Variants in PALLD observed in about 807,000 individuals in gnomAD.
The protein encoded by PALLD is palladin, cytoskeletal associated protein.
In PALLD, 61 loss-of-function variants were observed where a neutral mutation model predicts 123.5. The observed-to-expected ratio is 0.49, with a 90% confidence interval of 0.40 to 0.61. PALLD has a LOEUF of 0.61. Among genes scored for constraint, PALLD ranks in the 20% least tolerant of loss-of-function variants. The pLI, the probability that PALLD is intolerant of heterozygous loss-of-function variation, is 0.00. For missense variants in PALLD, 1,273 were observed against 1,377.0 expected, an observed-to-expected ratio of 0.92 and a Z score of 1.20; for synonymous variants, 465 against 496.4, an observed-to-expected ratio of 0.94 and a Z score of 0.84.
At chr4:168,662,391 A>G (rs982060756) in intron 2 of PALLD, among the ~76,000 whole-genome samples, 3 of 152,226 alleles carry the variant, frequency 2.0e-5, no homozygotes, top group Non-Finnish European at 2.9e-5. Flanking sequence ...AAAGAGATCA[A>G]ATTGAGGATG....
chr4:168,526,088 T>A (rs1441610079), intron 2 of PALLD, among the ~76,000 whole-genome samples: 1 of 152,192 alleles, frequency 6.6e-6, no homozygotes, highest in African/African-American at 2.4e-5. Context: ...TCTTCTAACA[T>A]GGCCTAGGAG....
At chr4:168,726,868 AC>A (rs573691864) in intron 10 of PALLD, among the ~76,000 whole-genome samples, 1 of 152,070 alleles carries the variant, frequency 6.6e-6, no homozygotes, top group Non-Finnish European at 1.5e-5. Context: ...TTTTCAACCC[AC>A]AGCCTCCTCC....
chr4:168,675,307 G>C (rs2150051683), intron 3 of PALLD, among the ~76,000 whole-genome samples: 1 of 152,332 alleles, frequency 6.6e-6, no homozygotes. Flanking sequence ...GCGTGACACA[G>C]ATTGGCAGGT....
intron 3 of PALLD, among the ~76,000 whole-genome samples, chr4:168,677,475 A>G (rs1391354453): frequency 6.6e-6 from 1 of 152,138 alleles, no homozygotes; most frequent in Non-Finnish European, 1.5e-5. Context: ...AGTAGCAAGA[A>G]TGGCTTTCTA....
chr4:168,662,861 A>C (rs528105058), intron 2 of PALLD, among the ~76,000 whole-genome samples: 1 of 152,348 alleles, frequency 6.6e-6, no homozygotes, highest in African/African-American at 2.4e-5. Context: ...AAACTCTAAG[A>C]TTCTGTTAGT....
At chr4:168,684,987 T>C (rs1368086759) in intron 5 of PALLD, among the ~76,000 whole-genome samples, 1 of 152,230 alleles carries the variant, frequency 6.6e-6, no homozygotes, top group Non-Finnish European at 1.5e-5. Flanking sequence ...CGTTTCTTTT[T>C]TGCACGTCAA....
At chr4:168,632,227 G>A (rs1326584961) in intron 2 of PALLD, among the ~76,000 whole-genome samples, 1 of 151,762 alleles carries the variant, frequency 6.6e-6, no homozygotes, top group African/African-American at 2.4e-5. Context: ...TTTTAGAGAA[G>A]CTTCTCTTTC....
intron 10 of PALLD, among the ~76,000 whole-genome samples, chr4:168,765,832 A>G (rs1733588515): frequency 6.6e-6 from 1 of 152,244 alleles, no homozygotes; most frequent in Admixed American, 6.5e-5. Flanking sequence ...TGGGCCAAAT[A>G]AATGGCTGAA....
chr4:168,538,328 T>C (rs1765282205), intron 2 of PALLD, among the ~76,000 whole-genome samples: 1 of 152,074 alleles, frequency 6.6e-6, no homozygotes, highest in Non-Finnish European at 1.5e-5. Flanking sequence ...GGCTTTGCCC[T>C]TAAAATGAAA....
chr4:168,569,309 A>G (rs1768736173), intron 2 of PALLD, among the ~76,000 whole-genome samples: 1 of 152,158 alleles, frequency 6.6e-6, no homozygotes, highest in Non-Finnish European at 1.5e-5. Flanking sequence ...GTGCCGTGGA[A>G]TCTTTTCAAT....
At chr4:168,670,443 C>T (rs535310133) in intron 3 of PALLD, among the ~76,000 whole-genome samples, 1 of 152,008 alleles carries the variant, frequency 6.6e-6, no homozygotes, top group Non-Finnish European at 1.5e-5. Context: ...TTAAAAAAAG[C>T]CGGGCGCGGG....
chr4:168,501,717 T>C (rs968759735), intron 1 of PALLD, among the ~76,000 whole-genome samples: 2 of 152,116 alleles, frequency 1.3e-5, no homozygotes, highest in Non-Finnish European at 2.9e-5. Context: ...GCTGCCCCCA[T>C]GGTACACTCT....
rs557658067 is a variant in PALLD, at chr4:168,695,836, A to G, written c.1501+4544A>G. 1.1e-4 allele frequency among the ~76,000 whole-genome samples: 17 copies of G among 152,286 alleles called. No homozygotes were observed. In the South Asian group the frequency reaches 2.7e-3, roughly 24 times the overall value. ...GTTCTTTGGAAATAACTACATAACAAACATAACTATTAGTTATGTCTTTTG... is the reference window on the plus strand; with the variant it reads ...GTTCTTTGGAAATAACTACATAACAGACATAACTATTAGTTATGTCTTTTG... On this transcript the variant is annotated intron_variant, in intron 8 of 21. Coordinates refer to ENST00000505667, the MANE Select transcript of PALLD (RefSeq NM_001166108.2).
chr4:168,692,865 G>C (rs1043984943), intron 8 of PALLD, among the ~76,000 whole-genome samples: 4 of 152,194 alleles, frequency 2.6e-5, no homozygotes, highest in African/African-American at 7.2e-5. Flanking sequence ...CATAGGTGAT[G>C]ATGATTTATC....
At chr4:168,565,524 C>G (rs1026501773) in intron 2 of PALLD, among the ~76,000 whole-genome samples, 3 of 152,034 alleles carry the variant, frequency 2.0e-5, no homozygotes, top group Non-Finnish European at 2.9e-5. Context: ...ACCTATCCAG[C>G]TTGACTTAAG....
intron 10 of PALLD, among the ~76,000 whole-genome samples, chr4:168,772,643 G>T (rs923391248): frequency 6.6e-6 from 1 of 152,192 alleles, no homozygotes; most frequent in Non-Finnish European, 1.5e-5. Context: ...TGTATTACGT[G>T]TATGTGCCCT....
At chr4:168,754,407 GAT>G (rs1418087802) in intron 10 of PALLD, among the ~76,000 whole-genome samples, 1 of 152,200 alleles carries the variant, frequency 6.6e-6, no homozygotes, top group Non-Finnish European at 1.5e-5. Flanking sequence ...CAAATGAGCT[GAT>G]GTGGATGCAA....
At chr4:168,572,487 T>G (rs1769096272) in intron 2 of PALLD, among the ~76,000 whole-genome samples, 1 of 152,088 alleles carries the variant, frequency 6.6e-6, no homozygotes, top group Non-Finnish European at 1.5e-5. Context: ...AAGGGGAACC[T>G]CCACCTTTTG....
rs755190590 is a variant in PALLD at position 168,512,170 on chromosome 4, C to T, written c.666C>T (p.Ser222=). 7.4e-6 allele frequency: 12 copies of T among 1,613,942 alleles called. No homozygotes were observed. Among genetic ancestry groups the T allele is most frequent in the East Asian group, 4.5e-5 (2 of 44,884 alleles). ...SALLSASASQ[S]PMEDQGEMER... ...TGCTGAGTGCCTCAGCCAGCCAGAGCCCTATGGAAGACCAAGGGGAGATGG... is the reference window on the plus strand; with the variant it reads ...TGCTGAGTGCCTCAGCCAGCCAGAGTCCTATGGAAGACCAAGGGGAGATGG... Residue 222 remains serine, a synonymous_variant, in exon 2 of 22, where the codon AGC becomes AGT. Transcript: ENST00000505667.
Sources: gnomAD v4.1 joint callset for allele counts (sites outside exome capture counted in the v4.1 genomes callset) on GRCh38, gnomAD v4.1.1 for gene constraint, MANE v1.5 for transcripts, NCBI Gene and HGNC (gene_info 2026-07-23, HGNC 2026-07-21) for gene names.